Variants in SPIDR observed in about 807,000 individuals in gnomAD.
SPIDR encodes scaffold protein involved in DNA repair.
SPIDR carries 93 observed loss-of-function variants against 104.6 expected under a neutral mutation model. That is an observed-to-expected ratio of 0.89 (90% CI 0.75 to 1.06). The LOEUF (loss-of-function observed/expected upper bound fraction) is 1.06, where lower values mean the gene tolerates loss of function less well. Ranked by LOEUF, SPIDR falls within the 50% of genes least tolerant of loss-of-function variation. The pLI is 0.00. For synonymous variants in SPIDR, 431 were observed against 416.9 expected (o/e 1.03, Z -0.41); for missense variants, 1,154 against 1,111.2 (o/e 1.04, Z -0.55).
intron 2 of SPIDR, among the ~76,000 whole-genome samples, chr8:47,280,877 T>G (rs1339619679): frequency 1.3e-5 from 2 of 152,212 alleles, no homozygotes; most frequent in African/African-American, 4.8e-5. Context: ...ACCTTTCTAC[T>G]TCTTTGTTTG....
At chr8:47,699,424 A>G (rs140867500) in intron 11 of SPIDR, among the ~76,000 whole-genome samples, 97 of 152,320 alleles carry the variant, frequency 6.4e-4, no homozygotes, top group Admixed American at 3.5e-3. Context: ...GCTGTTCCCC[A>G]TCTCTGTTAA....
chr8:47,333,961 A>C (rs1554606592), intron 5 of SPIDR, among the ~76,000 whole-genome samples: 1 of 152,176 alleles, frequency 6.6e-6, no homozygotes, highest in African/African-American at 2.4e-5. Flanking sequence ...ACTACATCCC[A>C]CAAATTTTGG....
chr8:47,405,840 G>C (rs2154320916), intron 6 of SPIDR, among the ~76,000 whole-genome samples: 1 of 152,268 alleles, frequency 6.6e-6, no homozygotes, highest in East Asian at 1.9e-4. Flanking sequence ...TTGATTAGAG[G>C]ACATGGTGTT....
In SPIDR at chr8:47,599,080, G is replaced by T; in HGVS notation, c.1428G>T (p.Ser476=). 5 of 1,612,832 alleles carry T rather than the reference G, an allele frequency of 3.1e-6. No individual in the cohort carries two copies. Among genetic ancestry groups the T allele is most frequent in the Non-Finnish European group, 3.4e-6 (4 of 1,179,422 alleles). The change falls in exon 10 of 20, where the codon TCG becomes TCT. Residue 476 remains serine, a synonymous_variant. Coordinates refer to ENST00000297423, the MANE Select transcript of SPIDR (RefSeq NM_001080394.4). ...LDVVESQGAA[S]WPGAGVRVVV... ...TGGTGGAAAGCCAGGGAGCTGCCTC[G>T]TGGCCAGGAGCTGGAGTCCGAGTGG...
chr8:47,291,306 A>G (rs1006511049), intron 4 of SPIDR, among the ~76,000 whole-genome samples, 169 bp downstream of exon 4: 4 of 152,226 alleles, frequency 2.6e-5, no homozygotes, highest in Non-Finnish European at 5.9e-5. Context: ...TTTATCATTA[A>G]CATTCCACCT....
chr8:47,486,745 A>G (rs919736459), intron 8 of SPIDR, among the ~76,000 whole-genome samples: 18 of 152,360 alleles, frequency 1.2e-4, no homozygotes, highest in African/African-American at 4.3e-4. Context: ...ATATCCAGCC[A>G]AACTACGCTT....
chr8:47,272,352 C>T (rs2035511765), intron 1 of SPIDR, among the ~76,000 whole-genome samples: 1 of 152,150 alleles, frequency 6.6e-6, no homozygotes, highest in Admixed American at 6.5e-5. Context: ...ATTCTCCCAT[C>T]CCCTCCCCAG....
At chr8:47,450,250 G>A (rs1415513546) in intron 8 of SPIDR, among the ~76,000 whole-genome samples, 9 of 152,138 alleles carry the variant, frequency 5.9e-5, no homozygotes, top group Non-Finnish European at 1.0e-4. Context: ...GAGGGCCTTC[G>A]TTTTTCATCT....
chr8:47,554,486 A>G (rs1355848416), intron 8 of SPIDR, among the ~76,000 whole-genome samples: 1 of 152,172 alleles, frequency 6.6e-6, no homozygotes, highest in Non-Finnish European at 1.5e-5. Flanking sequence ...GTCGCCTTGC[A>G]GTTCGATCTC....
At position 47,467,646 on chromosome 8, in the gene SPIDR, T is replaced by A. The variant is rs547405658; in HGVS notation, c.1097+27104T>A. ...TCTCAATAGATGCAGAAAACGCTCTTGATAAAATTCAAAACCCTTTCATGT... is the reference window on the plus strand; with the variant it reads ...TCTCAATAGATGCAGAAAACGCTCTAGATAAAATTCAAAACCCTTTCATGT... On this transcript the variant is annotated intron_variant, in intron 8 of 19. Transcript: ENST00000297423. 3.3e-5 allele frequency among the ~76,000 whole-genome samples: 5 copies of A among 152,086 alleles called. No individual in the cohort carries two copies. The South Asian group carries it at 1.0e-3, about 32-fold the overall frequency.
chr8:47,511,575 T>C, intron 8 of SPIDR: 1 of 782,680 alleles, frequency 1.3e-6, no homozygotes, highest in Non-Finnish European at 2.4e-6. Context: ...CCAGGCTGAA[T>C]CCACTCTTGC....
intron 10 of SPIDR, among the ~76,000 whole-genome samples, chr8:47,601,740 A>G (rs1427131502): frequency 1.3e-5 from 2 of 152,202 alleles, no homozygotes; most frequent in Non-Finnish European, 2.9e-5. Flanking sequence ...TGTTTAGATT[A>G]AGGCTGACCC....
chr8:47,344,042 A>G (rs1012836420), intron 5 of SPIDR, among the ~76,000 whole-genome samples: 107 of 151,724 alleles, frequency 7.1e-4, no homozygotes, highest in African/African-American at 2.4e-3. Context: ...ATGTGTATAC[A>G]TGTGCCATGT....
At chr8:47,261,432 C>G (rs2032269410) in intron 1 of SPIDR, among the ~76,000 whole-genome samples, 1 of 152,156 alleles carries the variant, frequency 6.6e-6, no homozygotes, top group Non-Finnish European at 1.5e-5. Flanking sequence ...GACTGTGCGG[C>G]TGACTGCCCA....
intron 14 of SPIDR, among the ~76,000 whole-genome samples, chr8:47,708,721 C>T (rs924328798): frequency 7.2e-5 from 11 of 152,224 alleles, no homozygotes; most frequent in Non-Finnish European, 4.4e-5. Flanking sequence ...TTTTTACCAT[C>T]TCCATAGTTT....
At chr8:47,355,009 G>A (rs190760611) in intron 5 of SPIDR, among the ~76,000 whole-genome samples, 3 of 152,076 alleles carry the variant, frequency 2.0e-5, no homozygotes, top group Admixed American at 2.0e-4. Flanking sequence ...AGGCTGGAGT[G>A]CAGTGAAGCG....
At chr8:47,272,681 C>CG (rs2035577185) in intron 1 of SPIDR, among the ~76,000 whole-genome samples, 2 of 152,142 alleles carry the variant, frequency 1.3e-5, no homozygotes, top group South Asian at 2.1e-4. Context: ...TGGGCACGTG[C>CG]GTAGTGATGC....
At chr8:47,268,854 T>G (rs2034645799) in intron 1 of SPIDR, among the ~76,000 whole-genome samples, 1 of 152,314 alleles carries the variant, frequency 6.6e-6, no homozygotes, top group Admixed American at 6.5e-5. Context: ...AAGTGTGGAT[T>G]CCTTAGGATT....
At chr8:47,364,923 G>A (rs942059210) in intron 5 of SPIDR, among the ~76,000 whole-genome samples, 3 of 152,304 alleles carry the variant, frequency 2.0e-5, no homozygotes, top group African/African-American at 7.2e-5. Flanking sequence ...GTCATGTGTG[G>A]GTGCCCTGGC....
Sources: gnomAD v4.1 joint callset for allele counts (sites outside exome capture counted in the v4.1 genomes callset) on GRCh38, gnomAD v4.1.1 for gene constraint, MANE v1.5 for transcripts, NCBI Gene and HGNC (gene_info 2026-07-23, HGNC 2026-07-21) for gene names.